The following NOX4 variants were observed in gnomAD, a reference collection of about 807,000 sequenced individuals.
NOX4 encodes kidney oxidase-1.
Under a neutral mutation model 87.6 loss-of-function variants are expected in NOX4, and 69 were observed. That is an observed-to-expected ratio of 0.79 (90% CI 0.65 to 0.96). The LOEUF (loss-of-function observed/expected upper bound fraction) is 0.96, where lower values mean the gene tolerates loss of function less well. Among genes scored for constraint, NOX4 ranks in the 40% least tolerant of loss-of-function variants. NOX4 has a pLI of 0.00. For missense variants in NOX4, 680 were observed against 681.5 expected (o/e 1.00, Z 0.02); for synonymous variants, 275 against 238.2 (o/e 1.15, Z -1.42).
chr11:89,380,761 TA>T (rs755693411), intron 11 of NOX4, among the ~76,000 whole-genome samples: 23 of 152,170 alleles, frequency 1.5e-4, no homozygotes, highest in Non-Finnish European at 3.2e-4. Context: ...GATGTCCTAT[TA>T]ATTTTTCATG....
At chr11:89,504,052 C>A in the NOX4 span, among the ~76,000 whole-genome samples, 2 of 151,592 alleles carry the variant, frequency 1.3e-5, no homozygotes, top group Non-Finnish European at 2.9e-5. Context: ...ATAACAAAAT[C>A]TTCGTAGTCT....
chr11:89,336,101 T>C (rs1191527877), intron 16 of NOX4, 156 bp from the exon 17 acceptor site: 1 of 427,206 alleles, frequency 2.3e-6, no homozygotes, highest in Non-Finnish European at 4.3e-6. Flanking sequence ...TATTTCAAAA[T>C]ATCATTTCCT....
intron 13 of NOX4, among the ~76,000 whole-genome samples, chr11:89,342,798 T>A (rs1358624932): frequency 6.6e-6 from 1 of 152,156 alleles, no homozygotes; most frequent in African/African-American, 2.4e-5. Flanking sequence ...ACTCTGCTCA[T>A]GTTTATATAT....
At chr11:89,521,765 T>G in the NOX4 span, among the ~76,000 whole-genome samples, 7 of 152,086 alleles carry the variant, frequency 4.6e-5, no homozygotes, top group Non-Finnish European at 8.8e-5. Flanking sequence ...TGGGAGAAGA[T>G]AATCACAAAC....
In NOX4 at chr11:89,405,317, C is replaced by T. The variant is rs71469261; in HGVS notation, c.630-2775G>A. Among the ~76,000 whole-genome samples the T allele has an allele frequency of 5.2e-3, 790 of 152,038 alleles. 4 individuals are homozygous for T. The highest frequency in any genetic ancestry group is 0.044 in the Middle Eastern group (13 of 294). On this transcript the variant is annotated intron_variant, in intron 8 of 17. Coordinates refer to ENST00000263317, the MANE Select transcript of NOX4 (RefSeq NM_016931.5). ...GCTGTTCTTGGCACATAAAGTGGCA[C>T]GTATTATTCTAAAATTCCTTTTAAT...
intron 8 of NOX4, among the ~76,000 whole-genome samples, chr11:89,409,796 AT>A (rs1462179614): frequency 1.3e-5 from 2 of 152,170 alleles, no homozygotes; most frequent in East Asian, 1.9e-4. Context: ...TTATTAACAT[AT>A]TGAAAATATG....
chr11:89,530,344 C>CTTT, the NOX4 span, among the ~76,000 whole-genome samples: 160 of 127,802 alleles, frequency 1.3e-3, 3 homozygotes, highest in East Asian at 1.6e-3. Flanking sequence ...GATGTCTATT[C>CTTT]TTTTTTTTTT....
At chr11:89,536,145 T>C in the NOX4 span, among the ~76,000 whole-genome samples, 8 of 136,566 alleles carry the variant, frequency 5.9e-5, no homozygotes, top group South Asian at 2.5e-4. Context: ...TTTCTTTTTT[T>C]TTTTTTTTTT....
chr11:89,355,160 C>T, intron 12 of NOX4, 117 bp from the exon 13 acceptor site: 1 of 692,870 alleles, frequency 1.4e-6, no homozygotes, highest in Non-Finnish European at 2.4e-6. Context: ...GTATATCCAT[C>T]CTTTATTAGA....
the NOX4 span, among the ~76,000 whole-genome samples, chr11:89,563,035 G>T: frequency 6.6e-6 from 1 of 152,104 alleles, no homozygotes; most frequent in African/African-American, 2.4e-5. Flanking sequence ...TGAAAAAGGT[G>T]CCTGCTTCCC....
the NOX4 span, among the ~76,000 whole-genome samples, chr11:89,553,607 TAG>T: frequency 8.6e-5 from 13 of 151,982 alleles, no homozygotes; most frequent in East Asian, 2.5e-3. Context: ...ATAAAAGTAG[TAG>T]AGAGACAAAA....
intron 13 of NOX4, among the ~76,000 whole-genome samples, chr11:89,352,827 T>G (rs1937664217): frequency 2.6e-5 from 4 of 152,200 alleles, no homozygotes; most frequent in Admixed American, 2.6e-4. Context: ...TTTTGTTTTG[T>G]TTTGTTTTTG....
At chr11:89,509,758 CT>C in the NOX4 span, among the ~76,000 whole-genome samples, 2 of 151,958 alleles carry the variant, frequency 1.3e-5, no homozygotes. Flanking sequence ...GTGCAATGAC[CT>C]GCCTTATAAC....
intron 8 of NOX4, among the ~76,000 whole-genome samples, chr11:89,409,575 G>T (rs553159880): frequency 1.3e-5 from 2 of 151,998 alleles, no homozygotes; most frequent in South Asian, 2.1e-4. Flanking sequence ...CTGCCAACTG[G>T]CTTACAGCAT....
At chr11:89,573,657 C>G in the NOX4 span, among the ~76,000 whole-genome samples, 1 of 151,886 alleles carries the variant, frequency 6.6e-6, no homozygotes, top group South Asian at 2.1e-4. Context: ...GGGCATAAGG[C>G]AGAAAAAGAG....
the NOX4 span, among the ~76,000 whole-genome samples, chr11:89,574,633 G>T: frequency 6.6e-6 from 1 of 152,146 alleles, no homozygotes; most frequent in East Asian, 1.9e-4. Context: ...AACTGGACTA[G>T]ATCTCTAAGA....
rs766075246 is a variant in NOX4 at position 89,342,201 on chromosome 11, G to A, written c.1218-8C>T. The A allele has an allele frequency of 1.0e-5, 16 of 1,595,462 alleles. No individual in the cohort carries two copies. The highest frequency in any genetic ancestry group is 1.8e-5 in the Admixed American group (1 of 56,500). On this transcript the variant is annotated splice_polypyrimidine_tract_variant and splice_region_variant and intron_variant, in intron 13 of 17. Coordinates refer to ENST00000263317, the MANE Select transcript of NOX4 (RefSeq NM_016931.5). The stretch of plus-strand genomic sequence containing the variant: ...GGACCATCAATATACAGCCTGTAGA[G>A]CAGTCAGAAAAAGGTGGGAAAAAAA...
intron 12 of NOX4, among the ~76,000 whole-genome samples, chr11:89,366,784 T>C (rs796918379): frequency 1.1e-4 from 16 of 151,968 alleles, no homozygotes; most frequent in African/African-American, 3.9e-4. Context: ...GTTTGTGAAA[T>C]GGCTGGAACG....
chr11:89,478,046 T>C (rs896202631), intron 2 of NOX4, among the ~76,000 whole-genome samples: 1 of 152,186 alleles, frequency 6.6e-6, no homozygotes, highest in East Asian at 1.9e-4. Flanking sequence ...ATTCCAAAGA[T>C]GTTTTCTGAA....
Sources: gnomAD v4.1 joint callset for allele counts (sites outside exome capture counted in the v4.1 genomes callset) on GRCh38, gnomAD v4.1.1 for gene constraint, MANE v1.5 for transcripts, NCBI Gene and HGNC (gene_info 2026-07-23, HGNC 2026-07-21) for gene names.